Variants in LGSN observed in about 807,000 individuals in gnomAD.
LGSN encodes the protein lengsin, lens protein with glutamine synthetase domain, also known as lengsin.
In LGSN, 21 loss-of-function variants were observed where a neutral mutation model predicts 19.5. The observed-to-expected ratio is 1.07, with a 90% CI of 0.76 to 1.55. The LOEUF (loss-of-function observed/expected upper bound fraction) is 1.55, where lower values mean the gene tolerates loss of function less well. Among genes scored for constraint, LGSN ranks in the 40% most tolerant of loss-of-function variants. LGSN has a pLI of 0.00. For missense variants in LGSN, 673 were observed against 608.5 expected (o/e 1.11, Z -1.12); for synonymous variants, 257 against 215.6 (o/e 1.19, Z -1.68).
At chr6:63,333,461 G>A in the LGSN span, among the ~76,000 whole-genome samples, 1 of 149,888 alleles carries the variant, frequency 6.7e-6, no homozygotes, top group Non-Finnish European at 1.5e-5. Flanking sequence ...GGAGGAGAGG[G>A]GAGGGGGAGA....
the LGSN span, among the ~76,000 whole-genome samples, chr6:63,446,243 C>CAAAAAAA: frequency 2.7e-5 from 2 of 74,724 alleles, no homozygotes; most frequent in Non-Finnish European, 4.8e-5. Flanking sequence ...GACTGTGTCT[C>CAAAAAAA]AAAAAAAAAA....
the LGSN span, among the ~76,000 whole-genome samples, chr6:63,465,889 G>A: frequency 6.6e-6 from 1 of 152,172 alleles, no homozygotes; most frequent in East Asian, 1.9e-4. Context: ...TCTGGCCAGT[G>A]TGGCTGGAAA....
the LGSN span, among the ~76,000 whole-genome samples, chr6:63,371,894 C>T: frequency 1.3e-5 from 2 of 152,186 alleles, no homozygotes; most frequent in Non-Finnish European, 2.9e-5. Context: ...GCAGCAAACA[C>T]ATTTTTCCCT....
chr6:63,349,156 C>G, the LGSN span, among the ~76,000 whole-genome samples: 3 of 151,692 alleles, frequency 2.0e-5, no homozygotes, highest in East Asian at 5.8e-4. Context: ...CAAAGAGCTT[C>G]TTACATGCCA....
chr6:63,364,846 T>C, the LGSN span, among the ~76,000 whole-genome samples: 1 of 152,074 alleles, frequency 6.6e-6, no homozygotes, highest in Non-Finnish European at 1.5e-5. Context: ...ACTGGGTACA[T>C]AACAAAATGA....
chr6:63,501,585 T>A, the LGSN span, among the ~76,000 whole-genome samples: 20 of 151,946 alleles, frequency 1.3e-4, no homozygotes, highest in Non-Finnish European at 2.2e-4. Context: ...TGCTGTCTAA[T>A]GTGAAAAAAA....
chr6:63,385,871 T>A, the LGSN span, among the ~76,000 whole-genome samples: 9 of 152,212 alleles, frequency 5.9e-5, no homozygotes, highest in Non-Finnish European at 1.2e-4. Context: ...GCTCTGTTTA[T>A]AAGTAATGGC....
chr6:63,397,763 C>A, the LGSN span, among the ~76,000 whole-genome samples: 1 of 151,882 alleles, frequency 6.6e-6, no homozygotes, highest in African/African-American at 2.4e-5. Flanking sequence ...ACTAAAAATG[C>A]AAAAATCAGC....
chr6:63,337,205 G>T, the LGSN span, among the ~76,000 whole-genome samples: 1 of 151,982 alleles, frequency 6.6e-6, no homozygotes, highest in Non-Finnish European at 1.5e-5. Flanking sequence ...TTACAGGTGT[G>T]AGCCACTGTG....
the LGSN span, among the ~76,000 whole-genome samples, chr6:63,505,578 A>AGAAAGT: frequency 5.3e-5 from 1 of 18,728 alleles, no homozygotes; most frequent in African/African-American, 3.2e-4. Flanking sequence ...AGAAAGAAAG[A>AGAAAGT]AAGAAAGAAA....
intron 1 of LGSN, among the ~76,000 whole-genome samples, chr6:63,308,656 G>A (rs751624109): frequency 2.6e-5 from 4 of 151,242 alleles, no homozygotes; most frequent in Non-Finnish European, 4.4e-5. Context: ...AATAGTTATA[G>A]TCCGAGGTGT....
chr6:63,453,597 T>A, the LGSN span, among the ~76,000 whole-genome samples: 1 of 152,184 alleles, frequency 6.6e-6, no homozygotes, highest in South Asian at 2.1e-4. Flanking sequence ...TGCTTTTTTT[T>A]TTGTTTGCAT....
At chr6:63,473,101 G>A in the LGSN span, among the ~76,000 whole-genome samples, 1 of 151,886 alleles carries the variant, frequency 6.6e-6, no homozygotes, top group Admixed American at 6.6e-5. Context: ...AATTAACTGA[G>A]CTCAAGGAAA....
the LGSN span, among the ~76,000 whole-genome samples, chr6:63,352,826 T>A: frequency 6.6e-6 from 1 of 151,784 alleles, no homozygotes; most frequent in African/African-American, 2.4e-5. Context: ...TAGATAAGAG[T>A]AAGGATTAAG....
chr6:63,325,943 T>C, the LGSN span, among the ~76,000 whole-genome samples: 9 of 152,284 alleles, frequency 5.9e-5, no homozygotes, highest in Non-Finnish European at 1.3e-4. Flanking sequence ...GCTTTTATTC[T>C]CTTATCTGGC....
intron 1 of LGSN, among the ~76,000 whole-genome samples, chr6:63,315,913 T>C (rs1768831999): frequency 6.7e-6 from 1 of 149,718 alleles, no homozygotes; most frequent in African/African-American, 2.4e-5. Flanking sequence ...GAGAGTTCAA[T>C]AGTATCTCTA....
the LGSN span, among the ~76,000 whole-genome samples, chr6:63,420,324 T>A: frequency 6.6e-6 from 1 of 152,168 alleles, no homozygotes; most frequent in South Asian, 2.1e-4. Context: ...GACAACACCA[T>A]CTCTGTGCTG....
At chr6:63,429,735 C>CAAA in the LGSN span, among the ~76,000 whole-genome samples, 3 of 124,584 alleles carry the variant, frequency 2.4e-5, no homozygotes, top group African/African-American at 9.0e-5. Context: ...GACTCCATCT[C>CAAA]AAAAAAAAAA....
At chr6:63,500,087 T>A in the LGSN span, among the ~76,000 whole-genome samples, 10 of 152,316 alleles carry the variant, frequency 6.6e-5, no homozygotes, top group African/African-American at 2.2e-4. Context: ...GTAGCCATCC[T>A]GCTCCAATCC....
Sources: allele counts gnomAD v4.1 joint callset (sites outside exome capture counted in the v4.1 genomes callset), GRCh38; gene constraint gnomAD v4.1.1; transcripts MANE v1.5; gene names NCBI Gene and HGNC (gene_info 2026-07-23, HGNC 2026-07-21).